RBFOX1: variants seen among roughly 807,000 people sequenced by gnomAD.
The protein encoded by RBFOX1 is RNA binding protein fox-1 homolog 1.
Under a neutral mutation model 57.7 loss-of-function variants are expected in RBFOX1, and 8 were observed. That is an observed-to-expected ratio of 0.14 (90% confidence interval 0.08 to 0.25). The LOEUF (loss-of-function observed/expected upper bound fraction) is 0.25, where lower values mean the gene tolerates loss of function less well. Among genes scored for constraint, RBFOX1 ranks in the 10% least tolerant of loss-of-function variants. The pLI, the probability that RBFOX1 is intolerant of heterozygous loss-of-function variation, is 1.00. For synonymous variants in RBFOX1, 326 were observed against 222.4 expected, an observed-to-expected ratio of 1.47 and a Z score of -4.15; for missense variants, 611 against 548.5, an observed-to-expected ratio of 1.11 and a Z score of -1.14.
At chr16:7,484,483 G>C (rs1009733745) in intron 4 of RBFOX1, among the ~76,000 whole-genome samples, 1 of 152,014 alleles carries the variant, frequency 6.6e-6, no homozygotes, top group Non-Finnish European at 1.5e-5. Context: ...TTATTTTTTA[G>C]ACAGAGTCTC....
intron 2 of RBFOX1, among the ~76,000 whole-genome samples, chr16:6,453,317 G>C (rs1044695064): frequency 6.6e-6 from 1 of 152,042 alleles, no homozygotes; most frequent in Non-Finnish European, 1.5e-5. Flanking sequence ...CTGTGTCCAT[G>C]TGTTTTCATT....
chr16:7,204,185 C>A (rs977618455), intron 4 of RBFOX1, among the ~76,000 whole-genome samples: 20 of 152,186 alleles, frequency 1.3e-4, no homozygotes, highest in African/African-American at 4.3e-4. Context: ...CCATTCATTC[C>A]AATGATCCAT....
intron 4 of RBFOX1, among the ~76,000 whole-genome samples, chr16:7,172,844 G>C (rs1044554062): frequency 3.9e-5 from 6 of 152,278 alleles, no homozygotes; most frequent in Middle Eastern, 3.4e-3. Context: ...TGAGGGTTTA[G>C]AGAACATGGG....
intron 13 of RBFOX1, chr16:7,671,617 G>T (rs375075227): frequency 1.2e-6 from 2 of 1,603,370 alleles, no homozygotes; most frequent in Admixed American, 3.3e-5. Flanking sequence ...ATCCCGACTG[G>T]TGGAGAAACT....
intron 2 of RBFOX1, among the ~76,000 whole-genome samples, chr16:5,473,745 G>T (rs951977848): frequency 2.7e-5 from 4 of 149,360 alleles, no homozygotes; most frequent in African/African-American, 9.9e-5. Context: ...ATAGAAGGAT[G>T]GGTAGAAGGA....
At chr16:6,885,109 C>A (rs958711734) in intron 3 of RBFOX1, among the ~76,000 whole-genome samples, 5 of 152,194 alleles carry the variant, frequency 3.3e-5, no homozygotes, top group African/African-American at 1.2e-4. Context: ...ACTGCTCTGA[C>A]TGAAACGGAA....
chr16:7,033,242 G>A lies in RBFOX1; in HGVS notation c.-15-18815G>A, dbSNP rs942062083. Among the ~76,000 whole-genome samples, 13 of 152,284 alleles carry A rather than the reference G, an allele frequency of 8.5e-5. 1 individual carries two copies. The highest frequency in any genetic ancestry group is 7.7e-4 in the East Asian group (4 of 5,172). On this transcript the variant is annotated intron_variant, in intron 3 of 15. Coordinates refer to ENST00000550418, the MANE Select transcript of RBFOX1 (RefSeq NM_018723.4). ...CTCCTTAAAAGTCCAAAAACAGGAC[G>A]GGCACAGTGGGTCACGCCTGTAATC... is the stretch of plus-strand genomic sequence containing the variant.
intron 4 of RBFOX1, among the ~76,000 whole-genome samples, chr16:5,879,144 G>A (rs2057696429): frequency 6.6e-6 from 1 of 152,154 alleles, no homozygotes; most frequent in Non-Finnish European, 1.5e-5. Flanking sequence ...TTGCAGAGAA[G>A]GGGAGAGAAT....
At chr16:5,250,848 C>T (rs1215698340) in intron 1 of RBFOX1, among the ~76,000 whole-genome samples, 6 of 152,190 alleles carry the variant, frequency 3.9e-5, no homozygotes, top group African/African-American at 1.4e-4. Context: ...TCACACACAT[C>T]ACTTGGTGCT....
intron 2 of RBFOX1, among the ~76,000 whole-genome samples, chr16:5,533,306 T>C (rs1356440791): frequency 1.3e-5 from 2 of 152,208 alleles, no homozygotes; most frequent in African/African-American, 2.4e-5. Flanking sequence ...CATGTTTTAA[T>C]AGGGCTTATG....
chr16:7,596,351 G>A lies in RBFOX1; in HGVS notation c.561+710G>A, dbSNP rs143039204. ...TGGGATCTCCCGCAACATAGCCACA[G>A]GGTCATATTTGTTAATTTTTTTTTT... On this transcript the variant is annotated intron_variant, in intron 8 of 15. Coordinates refer to ENST00000550418, the MANE Select transcript of RBFOX1 (RefSeq NM_018723.4). Among the ~76,000 whole-genome samples the A allele has an allele frequency of 8.0e-3, 1,208 of 151,838 alleles. 15 individuals are homozygous for A. The highest frequency in any genetic ancestry group is 0.028 in the African/African-American group (1,149 of 41,378).
At chr16:7,464,313 A>T (rs959918360) in intron 4 of RBFOX1, among the ~76,000 whole-genome samples, 15 of 152,168 alleles carry the variant, frequency 9.9e-5, no homozygotes, top group African/African-American at 3.4e-4. Flanking sequence ...ATCCAGAAAC[A>T]CAGTAAAATG....
At chr16:6,736,673 C>T (rs1324581052) in intron 3 of RBFOX1, among the ~76,000 whole-genome samples, 1 of 152,076 alleles carries the variant, frequency 6.6e-6, no homozygotes, top group Non-Finnish European at 1.5e-5. Flanking sequence ...GGGTAGATAC[C>T]CAGTAGTGGG....
intron 2 of RBFOX1, among the ~76,000 whole-genome samples, chr16:5,520,663 G>A (rs2043977236): frequency 6.6e-6 from 1 of 152,176 alleles, no homozygotes; most frequent in Non-Finnish European, 1.5e-5. Flanking sequence ...TCTCTCTTCT[G>A]AAAAGAGACT....
intron 3 of RBFOX1, among the ~76,000 whole-genome samples, chr16:6,752,100 C>G (rs930269599): frequency 6.6e-6 from 1 of 152,124 alleles, no homozygotes; most frequent in African/African-American, 2.4e-5. Context: ...ACTCCGGTGA[C>G]CCACTGCCTG....
chr16:7,612,348 A>T (rs2057670912), intron 10 of RBFOX1, among the ~76,000 whole-genome samples: 1 of 139,166 alleles, frequency 7.2e-6, no homozygotes, highest in Non-Finnish European at 1.6e-5. Context: ...AAAAAAAAAA[A>T]AGACAAATGA....
At chr16:7,375,314 T>C (rs1471703165) in intron 4 of RBFOX1, among the ~76,000 whole-genome samples, 2 of 152,136 alleles carry the variant, frequency 1.3e-5, no homozygotes, top group Non-Finnish European at 2.9e-5. Flanking sequence ...AGTCTCAAGG[T>C]AATACAAGTC....
At chr16:6,252,089 A>G (rs536999982) in intron 1 of RBFOX1, among the ~76,000 whole-genome samples, 2 of 152,122 alleles carry the variant, frequency 1.3e-5, no homozygotes, top group East Asian at 1.9e-4. Context: ...AAGCATCCTC[A>G]TGTTCTTCTC....
intron 1 of RBFOX1, among the ~76,000 whole-genome samples, chr16:5,300,406 A>G (rs942378224): frequency 2.0e-5 from 3 of 152,162 alleles, no homozygotes; most frequent in African/African-American, 7.2e-5. Context: ...ACATGGGTAC[A>G]GTGTACACTG....
Sources: gnomAD v4.1 joint callset for allele counts (sites outside exome capture counted in the v4.1 genomes callset) on GRCh38, gnomAD v4.1.1 for gene constraint, MANE v1.5 for transcripts, NCBI Gene and HGNC (gene_info 2026-07-23, HGNC 2026-07-21) for gene names.